The following GALM variants were observed in gnomAD, a reference collection of about 807,000 sequenced individuals.
The protein encoded by GALM is aldose 1-epimerase.
In GALM, 43 loss-of-function variants were observed where a neutral mutation model predicts 37.4. That is an observed-to-expected ratio of 1.15 (90% confidence interval 0.90 to 1.48). The LOEUF (loss-of-function observed/expected upper bound fraction) is 1.48. Among genes scored for constraint, GALM ranks in the 40% most tolerant of loss-of-function variants. The probability of loss-of-function intolerance (pLI) is 0.00; values close to 1 mark genes in which losing one functional copy is unlikely to be tolerated. For missense variants in GALM, 456 were observed against 419.1 expected, an observed-to-expected ratio of 1.09 and a Z score of -0.77; for synonymous variants, 199 against 170.6, an observed-to-expected ratio of 1.17 and a Z score of -1.30.
At chr2:38,673,283 C>G (rs889649627) in intron 1 of GALM, among the ~76,000 whole-genome samples, 4 of 152,116 alleles carry the variant, frequency 2.6e-5, no homozygotes, top group Non-Finnish European at 5.9e-5. Flanking sequence ...GTAGACATGA[C>G]AGATACAGAG....
At chr2:38,685,795 G>T (rs1665502697) in intron 3 of GALM, among the ~76,000 whole-genome samples, 1 of 152,038 alleles carries the variant, frequency 6.6e-6, no homozygotes, top group African/African-American at 2.4e-5. Context: ...TCGGCTCACG[G>T]CAATCTCCGC....
chr2:38,730,796 C>G (rs919226493), intron 5 of GALM, among the ~76,000 whole-genome samples: 7 of 151,758 alleles, frequency 4.6e-5, no homozygotes, highest in African/African-American at 1.7e-4. Flanking sequence ...TGGTGGGCAC[C>G]TATAATCTCA....
chr2:38,729,412 A>C, intron 4 of GALM, 144 bp from the exon 5 acceptor site: 1 of 488,396 alleles, frequency 2.0e-6, no homozygotes, highest in South Asian at 4.0e-5. Context: ...GGGTCTCTGC[A>C]TGTTTCCCAG....
chr2:38,723,342 T>C (rs1476105596), intron 4 of GALM, among the ~76,000 whole-genome samples: 1 of 152,198 alleles, frequency 6.6e-6, no homozygotes, highest in Non-Finnish European at 1.5e-5. Context: ...CTGAGACCAG[T>C]TTCACCCTAG....
chr2:38,687,924 C>T lies in GALM; in HGVS notation c.553-1889C>T, dbSNP rs117449518. On this transcript the variant is annotated intron_variant, in intron 3 of 6. Coordinates refer to ENST00000272252, the MANE Select transcript of GALM (RefSeq NM_138801.3). The stretch of plus-strand genomic sequence containing the variant: ...CTGTCCTAACCCTGTCTCAAAAAAA[C>T]CAGTCGGCCGGGCACAGTGCCTCAC... Among the ~76,000 whole-genome samples, 487 of 152,092 alleles carry T rather than the reference C, an allele frequency of 3.2e-3. 13 individuals carry two copies. The East Asian group carries it at 0.049, about 15-fold the overall frequency.
intron 4 of GALM, among the ~76,000 whole-genome samples, chr2:38,701,938 T>C (rs1665929517): frequency 6.6e-6 from 1 of 152,198 alleles, no homozygotes; most frequent in African/African-American, 2.4e-5. Context: ...TCCTTACTCT[T>C]TCCATTTCAC....
At chr2:38,683,847 G>A (rs1262251547) in intron 3 of GALM, among the ~76,000 whole-genome samples, 4 of 152,152 alleles carry the variant, frequency 2.6e-5, no homozygotes, top group Non-Finnish European at 4.4e-5. Flanking sequence ...GATTACAGGC[G>A]TGAGCCACCG....
intron 1 of GALM, among the ~76,000 whole-genome samples, chr2:38,673,679 G>A (rs929837236): frequency 6.6e-6 from 1 of 151,880 alleles, no homozygotes; most frequent in Non-Finnish European, 1.5e-5. Context: ...GCATGGTGGC[G>A]GGTGCCTGTA....
chr2:38,727,502 G>A (rs561407800), intron 4 of GALM, among the ~76,000 whole-genome samples: 1 of 152,112 alleles, frequency 6.6e-6, no homozygotes, highest in South Asian at 2.1e-4. Context: ...GCCAAGGCAG[G>A]TGGTTCACGA....
At chr2:38,710,097 C>T (rs1666117764) in intron 4 of GALM, among the ~76,000 whole-genome samples, 1 of 152,206 alleles carries the variant, frequency 6.6e-6, no homozygotes, top group South Asian at 2.1e-4. Flanking sequence ...CTGGGGCTTC[C>T]TCAGATGATC....
In GALM at chr2:38,733,598, A is replaced by AG; in HGVS notation, c.*35dup. On this transcript the variant is annotated 3_prime_UTR_variant, in exon 7 of 7. Coordinates refer to ENST00000272252, the MANE Select transcript of GALM (RefSeq NM_138801.3). ...TGAAGATATGATCCAGTCCAGGGCT[A>AG]GGCTCAGCCACCTGTCTCCTGTCCA... The AG allele has an allele frequency of 1.3e-6, 2 of 1,490,444 alleles. No homozygotes were observed. The highest frequency in any genetic ancestry group is 1.9e-6 in the Non-Finnish European group (2 of 1,067,868). 92.3% of individuals were successfully genotyped at this position (1,490,444 alleles called of 1,614,324 possible).
At position 38,684,021 on chromosome 2, in the gene GALM, G is replaced by A. The variant is rs372348550; in HGVS notation, c.552+2535G>A. 3.3e-5 allele frequency among the ~76,000 whole-genome samples: 5 copies of A among 152,248 alleles called. No individual in the cohort carries two copies. The East Asian group carries it at 5.8e-4, about 18-fold the overall frequency. ...GTGGATGATCACCAAGCCAGACCTG[G>A]AGTCAAGGGCCTCTGCATCTTCAGA... On this transcript the variant is annotated intron_variant, in intron 3 of 6. Coordinates refer to ENST00000272252, the MANE Select transcript of GALM (RefSeq NM_138801.3).
intron 4 of GALM, among the ~76,000 whole-genome samples, chr2:38,726,517 C>G (rs1266595834): frequency 6.6e-6 from 1 of 152,054 alleles, no homozygotes; most frequent in Non-Finnish European, 1.5e-5. Flanking sequence ...TGAGCCACCC[C>G]GCCTGGCCAA....
chr2:38,671,025 G>T (rs1357211051), intron 1 of GALM, among the ~76,000 whole-genome samples: 1 of 152,112 alleles, frequency 6.6e-6, no homozygotes, highest in African/African-American at 2.4e-5. Context: ...AGTGGAAAGG[G>T]CCATATCCCA....
At chr2:38,709,014 G>T (rs148764385) in intron 4 of GALM, among the ~76,000 whole-genome samples, 187 of 152,234 alleles carry the variant, frequency 1.2e-3, no homozygotes, top group Non-Finnish European at 1.9e-3. Context: ...GCAAATGGTG[G>T]GATGACCTGA....
rs1253302068 is a variant in GALM, at chr2:38,732,042, C to G, written c.951+133C>G. Reference sequence around the variant, plus strand: ...TGTTTGTTTGGTTTGTTTTTTGAGACAGAGTCTCACTCTTGTCGCCTAGGC... The same window carrying G: ...TGTTTGTTTGGTTTGTTTTTTGAGAGAGAGTCTCACTCTTGTCGCCTAGGC... On this transcript the variant is annotated intron_variant, in intron 6 of 6. Transcript: ENST00000272252. 4 of 805,064 alleles carry G rather than the reference C, an allele frequency of 5.0e-6. No individual in the cohort carries two copies. In the Admixed American group the frequency reaches 1.0e-4, roughly 21 times the overall value. The allele number at this position is 805,064 out of a possible 1,614,324, so 49.9% of individuals were successfully genotyped here.
chr2:38,724,931 C>G (rs1469581392), intron 4 of GALM, among the ~76,000 whole-genome samples: 4 of 152,142 alleles, frequency 2.6e-5, no homozygotes, highest in East Asian at 3.9e-4. Context: ...GGAAAGAGAC[C>G]TGATGTATGC....
chr2:38,691,508 C>T (rs1665670355), intron 4 of GALM, among the ~76,000 whole-genome samples: 1 of 150,918 alleles, frequency 6.6e-6, no homozygotes. Context: ...AGTGAGATCC[C>T]ATCTCAACAA....
intron 1 of GALM, among the ~76,000 whole-genome samples, chr2:38,670,769 C>CA (rs1353952066): frequency 3.9e-5 from 6 of 152,106 alleles, no homozygotes; most frequent in Non-Finnish European, 7.4e-5. Context: ...ATTAACACTG[C>CA]AAAAAATGGC....
Sources: allele counts gnomAD v4.1 joint callset (sites outside exome capture counted in the v4.1 genomes callset), GRCh38; gene constraint gnomAD v4.1.1; transcripts MANE v1.5; gene names NCBI Gene and HGNC (gene_info 2026-07-23, HGNC 2026-07-21).